The following MYO9A variants were observed in gnomAD, a reference collection of about 807,000 sequenced individuals.
MYO9A encodes the protein unconventional myosin-IXa.
A neutral mutation model predicts 293.3 loss-of-function variants in MYO9A; 103 were observed. The observed-to-expected ratio is 0.35, with a 90% confidence interval of 0.30 to 0.41. MYO9A has a LOEUF of 0.41. MYO9A is among the 10% of genes least tolerant of loss of function. MYO9A has a pLI of 1.00. For missense variants in MYO9A, 2,685 were observed against 3,033.0 expected, an observed-to-expected ratio of 0.89 and a Z score of 2.69; for synonymous variants, 1,001 against 1,035.7, an observed-to-expected ratio of 0.97 and a Z score of 0.64.
chr15:71,924,100 C>T (rs2058226861), intron 18 of MYO9A, among the ~76,000 whole-genome samples: 1 of 151,868 alleles, frequency 6.6e-6, no homozygotes, highest in Non-Finnish European at 1.5e-5. Context: ...TCTCCTTTGA[C>T]TCATTTGTAG....
At chr15:71,935,274 C>T (rs766948932) in intron 17 of MYO9A, 67 bp downstream of exon 17, 18 of 1,438,820 alleles carry the variant, frequency 1.3e-5, no homozygotes, top group Non-Finnish European at 1.7e-5. Context: ...TTTTTTTCTG[C>T]CAGAAATTTT....
intron 1 of MYO9A, among the ~76,000 whole-genome samples, chr15:72,096,688 C>G (rs2080074990): frequency 6.6e-6 from 1 of 152,076 alleles, no homozygotes; most frequent in Non-Finnish European, 1.5e-5. Context: ...ACAGTGATTC[C>G]CCTTATGGAT....
chr15:71,924,845 G>T (rs1411770062), intron 18 of MYO9A, among the ~76,000 whole-genome samples: 3 of 151,866 alleles, frequency 2.0e-5, no homozygotes, highest in African/African-American at 7.3e-5. Flanking sequence ...GCTTGAACTC[G>T]GGAGGTGGAG....
In MYO9A at chr15:71,893,144, T is replaced by C. The variant is rs772203702; in HGVS notation, c.5142+535A>G. 9 of 1,284,052 alleles carry C rather than the reference T, an allele frequency of 7.0e-6. No homozygotes were observed. In the South Asian group the frequency reaches 7.5e-5, roughly 11 times the overall value. 79.5% of individuals were successfully genotyped at this position (1,284,052 alleles called of 1,614,324 possible). On this transcript the variant is annotated intron_variant, in intron 26 of 41. Transcript: ENST00000356056. ...AAGAAATCGGAGCGCGTCCGCGCCA[T>C]TCGAGCTTTCTTTTTATGGGCCGGT...
rs750120456 is a variant in MYO9A at position 72,020,394 on chromosome 15, A to G, written c.1098+524T>C. On this transcript the variant is annotated intron_variant, in intron 5 of 41. Transcript: ENST00000356056. ...TTTTGAGGAAAGATCCAAATTCTCT[A>G]AGTCATTTGCCTTTGATGACCTTCA... 2.0e-5 allele frequency among the ~76,000 whole-genome samples: 3 copies of G among 152,200 alleles called. No homozygotes were observed. In the East Asian group the frequency reaches 5.8e-4, roughly 29 times the overall value.
At chr15:72,102,320 T>C (rs2080383289) in intron 1 of MYO9A, among the ~76,000 whole-genome samples, 1 of 150,584 alleles carries the variant, frequency 6.6e-6, no homozygotes, top group Non-Finnish European at 1.5e-5. Context: ...CACTCCCTAA[T>C]CTCAAGTACC....
chr15:72,097,232 G>A (rs559076484), intron 1 of MYO9A, among the ~76,000 whole-genome samples: 3 of 152,232 alleles, frequency 2.0e-5, no homozygotes, highest in South Asian at 2.1e-4. Context: ...TGCAGCATAC[G>A]TCATTGTCTT....
intron 33 of MYO9A, among the ~76,000 whole-genome samples, chr15:71,860,296 T>G (rs1596048689): frequency 6.6e-6 from 1 of 152,228 alleles, no homozygotes; most frequent in Non-Finnish European, 1.5e-5. Flanking sequence ...AGGTCTTATT[T>G]ATGATCTCTA....
rs1437756345 is a variant in MYO9A, at chr15:71,897,811, A to G, written c.4692T>C (p.Asn1564=). 4 of 1,614,068 alleles carry G rather than the reference A, an allele frequency of 2.5e-6. No individual in the cohort carries two copies. Among genetic ancestry groups the G allele is most frequent in the Non-Finnish European group, 3.4e-6 (4 of 1,179,996 alleles). The change falls in exon 25 of 42, where the codon AAT becomes AAC. Residue 1564 remains asparagine, a synonymous_variant. Transcript: ENST00000356056. ...VERPSSLLSL[N]TSNKGELNVL... ...CATTAAGTTCTCCCTTATTTGAGGTATTTAAGCTGAGGAGAGAGGATGGCC... is the reference window on the plus strand; with the variant it reads ...CATTAAGTTCTCCCTTATTTGAGGTGTTTAAGCTGAGGAGAGAGGATGGCC...
intron 27 of MYO9A, among the ~76,000 whole-genome samples, chr15:71,886,506 T>C (rs2057024665): frequency 6.6e-6 from 1 of 152,066 alleles, no homozygotes; most frequent in South Asian, 2.1e-4. Flanking sequence ...CTCAATTGTA[T>C]CTAGTAAACT....
Position 71,843,729 on chromosome 15 carries a change from C to G in MYO9A, c.6837+5116G>C, listed in dbSNP as rs747164971. 2.6e-5 allele frequency among the ~76,000 whole-genome samples: 4 copies of G among 152,154 alleles called. No homozygotes were observed. In the East Asian group the frequency reaches 7.7e-4, roughly 29 times the overall value. ...TGGTCTTGAACTCAAGTGATCCGCC[C>G]GCCTCGGCCTCCCGAAGTTCTGGGA... On this transcript the variant is annotated intron_variant, in intron 39 of 41. Transcript: ENST00000356056.
In MYO9A at chr15:72,010,536, T is replaced by C. The variant is rs561829862; in HGVS notation, c.1156-89A>G. 8 of 1,131,478 alleles carry C rather than the reference T, an allele frequency of 7.1e-6. No homozygotes were observed. The Admixed American group carries it at 1.1e-4, about 15-fold the overall frequency. 70.1% of individuals were successfully genotyped at this position (1,131,478 alleles called of 1,614,324 possible). On this transcript the variant is annotated intron_variant, in intron 6 of 41. Transcript: ENST00000356056. ...CAGAAATATGGTAATTTAGGATAGGTACCTGTATGTATAAATGCAAATTAG... is the reference window on the plus strand; with the variant it reads ...CAGAAATATGGTAATTTAGGATAGGCACCTGTATGTATAAATGCAAATTAG...
At chr15:72,026,953 A>G (rs2077693116) in intron 4 of MYO9A, among the ~76,000 whole-genome samples, 1 of 152,212 alleles carries the variant, frequency 6.6e-6, no homozygotes, top group African/African-American at 2.4e-5. Context: ...TTAATAATCA[A>G]AATTTCACAC....
intron 1 of MYO9A, among the ~76,000 whole-genome samples, chr15:72,082,633 T>C (rs2079582650): frequency 6.6e-6 from 1 of 152,074 alleles, no homozygotes; most frequent in African/African-American, 2.4e-5. Context: ...TTAAGACAAA[T>C]GTTTCCAGTT....
At chr15:72,100,100 TAGAC>T (rs895069513) in intron 1 of MYO9A, among the ~76,000 whole-genome samples, 2 of 151,600 alleles carry the variant, frequency 1.3e-5, no homozygotes, top group African/African-American at 2.4e-5. Context: ...ATAGAAAAAT[TAGAC>T]AGGTGTGGTG....
intron 8 of MYO9A, among the ~76,000 whole-genome samples, chr15:72,006,013 T>C (rs543228525): frequency 7.4e-4 from 113 of 152,306 alleles, no homozygotes; most frequent in African/African-American, 2.6e-3. Context: ...AGCACATCTA[T>C]ATAATGGAAT....
chr15:72,097,066 A>G (rs532117793), intron 1 of MYO9A, among the ~76,000 whole-genome samples: 2 of 152,324 alleles, frequency 1.3e-5, no homozygotes, highest in East Asian at 3.9e-4. Flanking sequence ...ATGACAACGA[A>G]GTATGTATAA....
chr15:72,015,686 T>G (rs2077312506), intron 6 of MYO9A, among the ~76,000 whole-genome samples: 1 of 144,122 alleles, frequency 6.9e-6, no homozygotes, highest in Non-Finnish European at 1.5e-5. Flanking sequence ...AGATCAGGTT[T>G]TTTTTTTTTT....
At chr15:71,912,596 A>C (rs2057892074) in intron 19 of MYO9A, among the ~76,000 whole-genome samples, 1 of 152,120 alleles carries the variant, frequency 6.6e-6, no homozygotes, top group East Asian at 1.9e-4. Context: ...CATTTCTATC[A>C]ATCTGCCACT....
Sources: allele counts gnomAD v4.1 joint callset (sites outside exome capture counted in the v4.1 genomes callset), GRCh38; gene constraint gnomAD v4.1.1; transcripts MANE v1.5; gene names NCBI Gene and HGNC (gene_info 2026-07-23, HGNC 2026-07-21).